Variants in LRRC63 observed in about 807,000 individuals in gnomAD.
LRRC63 encodes the protein leucine-rich repeat-containing protein 63.
LRRC63 carries 40 observed loss-of-function variants against 49.5 expected under a neutral mutation model. That is an observed-to-expected ratio of 0.81 (90% CI 0.63 to 1.05). The LOEUF is 1.05. Ranked by LOEUF, LRRC63 falls within the 50% of genes least tolerant of loss-of-function variation. The pLI is 0.00. For missense variants in LRRC63, 636 were observed against 663.1 expected (o/e 0.96, Z 0.45); for synonymous variants, 191 against 221.1 (o/e 0.86, Z 1.21).
At chr13:46,272,680 C>T (rs2047776262) in intron 9 of LRRC63, among the ~76,000 whole-genome samples, 1 of 152,162 alleles carries the variant, frequency 6.6e-6, no homozygotes. Context: ...ATAACTGCAG[C>T]CTAAATCTGC....
chr13:46,248,817 C>T (rs985387619), intron 6 of LRRC63, among the ~76,000 whole-genome samples: 1 of 151,828 alleles, frequency 6.6e-6, no homozygotes, highest in African/African-American at 2.4e-5. Context: ...GGGTCTAACT[C>T]AAACCAATAG....
At chr13:46,227,986 A>C in exon 3 of LRRC63, 1 of 1,551,080 alleles carries the variant, frequency 6.4e-7, no homozygotes, top group Non-Finnish European at 8.7e-7. Flanking sequence ...AGTCCAGGCT[A>C]TACTTATCAG....
intron 3 of LRRC63, 50 bp downstream of exon 3, chr13:46,228,239 G>A (rs1025260615): frequency 3.7e-6 from 5 of 1,366,098 alleles, no homozygotes; most frequent in Non-Finnish European, 4.9e-6. Flanking sequence ...TAGAGCAAAG[G>A]GGAGAGAAGG....
chr13:46,265,499 A>G (rs956739817), intron 8 of LRRC63, among the ~76,000 whole-genome samples: 8 of 152,144 alleles, frequency 5.3e-5, no homozygotes, highest in Non-Finnish European at 1.2e-4. Context: ...CCACTTCCTC[A>G]TAGACAGCCA....
At chr13:46,225,555 T>G (rs990410050) in intron 2 of LRRC63, among the ~76,000 whole-genome samples, 1 of 152,132 alleles carries the variant, frequency 6.6e-6, no homozygotes, top group Non-Finnish European at 1.5e-5. Flanking sequence ...TATGGTGAGA[T>G]GGTGGTAGTT....
chr13:46,276,892 A>G (rs2047851333), exon 10 of LRRC63: 2 of 173,712 alleles, frequency 1.2e-5, no homozygotes, highest in South Asian at 2.0e-4. Context: ...TCATATATAT[A>G]TATAAACTTT....
At chr13:46,224,424 ATATC>A (rs1341084506) in intron 2 of LRRC63, among the ~76,000 whole-genome samples, 2 of 152,258 alleles carry the variant, frequency 1.3e-5, no homozygotes, top group South Asian at 4.1e-4. Context: ...TTTCTTAAAA[ATATC>A]TATCTATCTC....
intron 7 of LRRC63, among the ~76,000 whole-genome samples, chr13:46,261,067 C>A (rs2047606126): frequency 1.3e-5 from 2 of 152,176 alleles, no homozygotes; most frequent in African/African-American, 4.8e-5. Context: ...AGAAGCAATT[C>A]CCACTTCCAT....
chr13:46,268,877 A>G (rs973897340), intron 9 of LRRC63, among the ~76,000 whole-genome samples: 1 of 152,164 alleles, frequency 6.6e-6, no homozygotes, highest in African/African-American at 2.4e-5. Context: ...CTAAAACCAG[A>G]CATCAAACAG....
chr13:46,266,037 A>G (rs1009625766), intron 8 of LRRC63, among the ~76,000 whole-genome samples: 1 of 152,190 alleles, frequency 6.6e-6, no homozygotes, highest in African/African-American at 2.4e-5. Context: ...TAAAGTTCAT[A>G]TATCAGCCTT....
At chr13:46,243,989 A>G (rs2138492464) in intron 5 of LRRC63, among the ~76,000 whole-genome samples, 1 of 152,342 alleles carries the variant, frequency 6.6e-6, no homozygotes, top group Admixed American at 6.5e-5. Flanking sequence ...AATGTTGGAA[A>G]AAAACCTGAG....
chr13:46,269,833 A>ACTATATAT (rs2047731327), intron 9 of LRRC63, among the ~76,000 whole-genome samples: 1 of 147,766 alleles, frequency 6.8e-6, no homozygotes. Flanking sequence ...AGATATATAT[A>ACTATATAT]CTATATATCT....
intron 2 of LRRC63, among the ~76,000 whole-genome samples, chr13:46,222,114 A>T (rs2404968): frequency 0.54 from 81,234 of 151,640 alleles, 25,328 homozygotes; most frequent in African/African-American, 0.86. Context: ...TTAGTGATAT[A>T]GAACATTTTT....
exon 3 of LRRC63, chr13:46,227,595 C>A: frequency 6.5e-7 from 1 of 1,549,802 alleles, no homozygotes; most frequent in Non-Finnish European, 8.7e-7. Context: ...AACTCGTTTT[C>A]CTGATGTTTT....
chr13:46,270,540 A>G (rs2047742854), intron 9 of LRRC63: 2 of 825,876 alleles, frequency 2.4e-6, no homozygotes. Flanking sequence ...GAAAGTAAAA[A>G]CATAACAGAA....
chr13:46,249,342 A>T (rs1209708483), intron 6 of LRRC63, among the ~76,000 whole-genome samples: 4 of 151,824 alleles, frequency 2.6e-5, no homozygotes, highest in Non-Finnish European at 5.9e-5. Flanking sequence ...AACAGAAGTT[A>T]TTACTTTTAA....
intron 8 of LRRC63, 31 bp from the exon 9 acceptor site, chr13:46,266,702 C>T (rs184034829): frequency 6.7e-7 from 1 of 1,495,140 alleles, no homozygotes. Flanking sequence ...TTGTATAATA[C>T]CTTTTAAAGT....
exon 3 of LRRC63, chr13:46,227,809 T>G (rs1284999958): frequency 6.5e-7 from 1 of 1,549,922 alleles, no homozygotes; most frequent in East Asian, 2.4e-5. Context: ...ACAAACAAAA[T>G]GGAAAGTTCA....
chr13:46,219,050 A>G (rs2046333360), intron 2 of LRRC63, among the ~76,000 whole-genome samples: 1 of 151,992 alleles, frequency 6.6e-6, no homozygotes, highest in African/African-American at 2.4e-5. Context: ...CCTTCATTTC[A>G]ACCTTGGTGA....
Sources: gnomAD v4.1 joint callset for allele counts (sites outside exome capture counted in the v4.1 genomes callset) on GRCh38, gnomAD v4.1.1 for gene constraint, MANE v1.5 for transcripts, NCBI Gene and HGNC (gene_info 2026-07-23, HGNC 2026-07-21) for gene names.